ADAM12: variants seen among roughly 807,000 people sequenced by gnomAD.
ADAM12 encodes ADAM metallopeptidase domain 12, also known as disintegrin and metalloproteinase domain-containing protein 12.
Under a neutral mutation model 106.4 loss-of-function variants are expected in ADAM12, and 70 were observed. The observed-to-expected ratio is 0.66, with a 90% CI of 0.54 to 0.80. The LOEUF (loss-of-function observed/expected upper bound fraction) is 0.80. ADAM12 is among the 30% of genes least tolerant of loss of function. ADAM12 has a pLI of 0.00. For synonymous variants in ADAM12, 420 were observed against 433.5 expected (o/e 0.97, Z 0.39); for missense variants, 1,010 against 1,171.9 (o/e 0.86, Z 2.02).
At chr10:126,186,074 C>G (rs1957394491) in intron 3 of ADAM12, among the ~76,000 whole-genome samples, 1 of 152,152 alleles carries the variant, frequency 6.6e-6, no homozygotes, top group African/African-American at 2.4e-5. Context: ...GGGACTGTGC[C>G]TGTCCTGTGT....
chr10:126,038,963 T>C (rs1323428579), intron 19 of ADAM12, among the ~76,000 whole-genome samples: 1 of 137,364 alleles, frequency 7.3e-6, no homozygotes, highest in Admixed American at 7.2e-5. Context: ...TTTTTTTTTT[T>C]TTTTTTTTTT....
In ADAM12 at chr10:126,237,394, A is replaced by T. The variant is rs149701082; in HGVS notation, c.260+41521T>A. Among the ~76,000 whole-genome samples, 1,436 of 152,116 alleles carry T rather than the reference A, an allele frequency of 9.4e-3. 26 individuals are homozygous for T. The highest frequency in any genetic ancestry group is 0.033 in the African/African-American group (1,368 of 41,492). Reference sequence around the variant, plus strand: ...TAGAGGGGACTCCCCTATACCCATCACCCCAATTCAACTATCATTAACTTG... The same window carrying T: ...TAGAGGGGACTCCCCTATACCCATCTCCCCAATTCAACTATCATTAACTTG... On this transcript the variant is annotated intron_variant, in intron 3 of 22. Transcript: ENST00000448723.
chr10:126,172,096 T>G (rs1590555114), intron 3 of ADAM12, among the ~76,000 whole-genome samples: 1 of 152,312 alleles, frequency 6.6e-6, no homozygotes, highest in East Asian at 1.9e-4. Context: ...AAAATACTAT[T>G]ATGATCTCCA....
intron 1 of ADAM12, among the ~76,000 whole-genome samples, chr10:126,345,567 T>C (rs995550661): frequency 1.3e-5 from 2 of 152,242 alleles, no homozygotes; most frequent in African/African-American, 4.8e-5. Flanking sequence ...TCCCTCTTTT[T>C]CTATTGGTTG....
At chr10:126,300,671 C>A (rs1960580814) in intron 2 of ADAM12, among the ~76,000 whole-genome samples, 2 of 151,980 alleles carry the variant, frequency 1.3e-5, no homozygotes, top group South Asian at 2.1e-4. Context: ...TACCATATGA[C>A]CTCACTTTTC....
At chr10:126,083,753 C>A (rs1346360315) in intron 11 of ADAM12, among the ~76,000 whole-genome samples, 2 of 152,250 alleles carry the variant, frequency 1.3e-5, no homozygotes, top group Non-Finnish European at 2.9e-5. Context: ...CTCGTGACTC[C>A]TCCTCATGGT....
In ADAM12 at chr10:126,064,137, G is replaced by C. The variant is rs1295893; in HGVS notation, c.1609+669C>G. 0.46 allele frequency among the ~76,000 whole-genome samples: 69,858 copies of C among 152,044 alleles called. 17,687 individuals carry two copies. The highest frequency in any genetic ancestry group is 0.64 in the African/African-American group (26,370 of 41,464). ...TTGTTGGAGGGTCAGAAGAGACAAA[G>C]TGTGCCAAGTGCCCAGCCTGAACTG... On this transcript the variant is annotated intron_variant, in intron 14 of 22. Coordinates refer to ENST00000448723, the MANE Select transcript of ADAM12 (RefSeq NM_001288973.2). The surrounding 1 kb of genome is among the most constrained non-coding windows in gnomAD (Gnocchi z 4.4).
intron 3 of ADAM12, among the ~76,000 whole-genome samples, chr10:126,255,927 G>A (rs1958882775): frequency 6.6e-6 from 1 of 152,200 alleles, no homozygotes; most frequent in Non-Finnish European, 1.5e-5. Flanking sequence ...TTCGGCATCA[G>A]GAACGGTGCA....
At chr10:126,344,405 A>G (rs1855056863) in intron 1 of ADAM12, among the ~76,000 whole-genome samples, 1 of 152,152 alleles carries the variant, frequency 6.6e-6, no homozygotes, top group Non-Finnish European at 1.5e-5. Context: ...TACCAGTACC[A>G]TGCTGTTTTG....
chr10:126,317,642 G>C (rs564970708), intron 2 of ADAM12, among the ~76,000 whole-genome samples: 45 of 152,192 alleles, frequency 3.0e-4, no homozygotes, highest in African/African-American at 1.1e-3. Flanking sequence ...AGGGAAAAGA[G>C]CCTAATGATT....
chr10:126,326,490 C>A (rs1055049646), intron 2 of ADAM12, among the ~76,000 whole-genome samples: 1 of 152,136 alleles, frequency 6.6e-6, no homozygotes, highest in Non-Finnish European at 1.5e-5. Context: ...CGGGCAAGTC[C>A]AACAAACTTT....
At position 126,317,703 on chromosome 10, in the gene ADAM12, G is replaced by A. The variant is rs563051743; in HGVS notation, c.186+12709C>T. Among the ~76,000 whole-genome samples the A allele has an allele frequency of 3.9e-5, 6 of 152,168 alleles. No homozygotes were observed. The East Asian group carries it at 1.2e-3, about 29-fold the overall frequency. On this transcript the variant is annotated intron_variant, in intron 2 of 22. Coordinates refer to ENST00000448723, the MANE Select transcript of ADAM12 (RefSeq NM_001288973.2). ...TATTGAACATAGCTATTTTATTTAT[G>A]TCTATAGGTACATCCATAAAGAGCC...
Position 126,169,090 on chromosome 10 carries a change from T to C in ADAM12, c.261-13785A>G, listed in dbSNP as rs1003298080. The stretch of plus-strand genomic sequence containing the variant: ...AAAAAGCAAAAAACACATTCCTTAG[T>C]GTGGACCAGGCCCACCCCCTCTACC... On this transcript the variant is annotated intron_variant, in intron 3 of 22. Coordinates refer to ENST00000448723, the MANE Select transcript of ADAM12 (RefSeq NM_001288973.2). Among the ~76,000 whole-genome samples, 5 of 152,082 alleles carry C rather than the reference T, an allele frequency of 3.3e-5. No individual in the cohort carries two copies. In the East Asian group the frequency reaches 5.8e-4, roughly 18 times the overall value.
chr10:126,256,082 A>C (rs1348780896), intron 3 of ADAM12, among the ~76,000 whole-genome samples: 1 of 152,180 alleles, frequency 6.6e-6, no homozygotes, highest in African/African-American at 2.4e-5. Context: ...TCTGCAGATC[A>C]CCTGGGACAC....
At position 126,333,580 on chromosome 10, in the gene ADAM12, A is replaced by G. The variant is rs377223169; in HGVS notation, c.89-3071T>C. Among the ~76,000 whole-genome samples, 4 of 152,186 alleles carry G rather than the reference A, an allele frequency of 2.6e-5. No individual in the cohort carries two copies. The East Asian group carries it at 7.7e-4, about 29-fold the overall frequency. ...GCAACTCCACACCTTGACTTTGGGG[A>G]AGTTCAGGAGGTGTTGGTGGGGCCT... On this transcript the variant is annotated intron_variant, in intron 1 of 22. Transcript: ENST00000448723.
chr10:126,135,760 T>G, intron 4 of ADAM12, 100 bp from the exon 5 acceptor site: 1 of 1,025,064 alleles, frequency 9.8e-7, no homozygotes, highest in South Asian at 1.4e-5. Context: ...GAATTTTCCA[T>G]TGCATAAAAT....
At position 126,064,058 on chromosome 10, in the gene ADAM12, C is replaced by T. The variant is rs1185219461; in HGVS notation, c.1609+748G>A. ...AGACCTGGGGAAACTGACATTTGGT[C>T]TCAGAGTTTGAGCATCATCTTCTGT... On this transcript the variant is annotated intron_variant, in intron 14 of 22. Coordinates refer to ENST00000448723, the MANE Select transcript of ADAM12 (RefSeq NM_001288973.2). This position sits in a 1 kb window ranked among gnomAD's most constrained non-coding sequence, Gnocchi z 4.4. 1.3e-5 allele frequency among the ~76,000 whole-genome samples: 2 copies of T among 152,204 alleles called. No homozygotes were observed. The highest frequency in any genetic ancestry group is 4.8e-5 in the African/African-American group (2 of 41,458).
intron 2 of ADAM12, among the ~76,000 whole-genome samples, chr10:126,327,693 A>AT (rs1471814673): frequency 2.0e-5 from 3 of 152,166 alleles, no homozygotes; most frequent in African/African-American, 7.2e-5. Flanking sequence ...AATGTGTTTC[A>AT]TGGTTGTGAA....
At chr10:126,346,289 C>T (rs1013717092) in intron 1 of ADAM12, among the ~76,000 whole-genome samples, 10 of 152,136 alleles carry the variant, frequency 6.6e-5, no homozygotes, top group African/African-American at 2.2e-4. Context: ...ACCCAGTAGC[C>T]ATTCAGGAGC....
Sources: allele counts gnomAD v4.1 joint callset (sites outside exome capture counted in the v4.1 genomes callset), GRCh38; gene constraint gnomAD v4.1.1; non-coding constraint Gnocchi (gnomAD v3.1); transcripts MANE v1.5; gene names NCBI Gene and HGNC (gene_info 2026-07-23, HGNC 2026-07-21).